The following ORC3 variants were observed in gnomAD, a reference collection of about 807,000 sequenced individuals.
ORC3 encodes origin recognition complex subunit 3, also known as homolog of latheo, Drosophila.
A neutral mutation model predicts 100.7 loss-of-function variants in ORC3; 78 were observed. That is an observed-to-expected ratio of 0.77 (90% confidence interval 0.65 to 0.94). The LOEUF (loss-of-function observed/expected upper bound fraction) is 0.94, where lower values mean the gene tolerates loss of function less well. Ranked by LOEUF, ORC3 falls within the 40% of genes least tolerant of loss-of-function variation. The pLI, the probability that ORC3 is intolerant of heterozygous loss-of-function variation, is 0.00. For synonymous variants in ORC3, 295 were observed against 289.3 expected (o/e 1.02, Z -0.20); for missense variants, 789 against 823.9 (o/e 0.96, Z 0.52).
At chr6:87,592,023 G>A (rs1301169184) in intron 1 of ORC3, among the ~76,000 whole-genome samples, 2 of 151,826 alleles carry the variant, frequency 1.3e-5, no homozygotes, top group African/African-American at 4.8e-5. Flanking sequence ...GAGCCACCAC[G>A]CCCGGTCCTT....
intron 1 of ORC3, among the ~76,000 whole-genome samples, chr6:87,592,736 C>A (rs919948947): frequency 1.1e-4 from 17 of 152,204 alleles, no homozygotes; most frequent in Admixed American, 7.9e-4. Context: ...CCTGAGACAA[C>A]TTTTCCTAGG....
rs1378790375 is a variant in ORC3, at chr6:87,645,993, T to C, written c.1383-7123T>C. On this transcript the variant is annotated intron_variant, in intron 13 of 19. Transcript: ENST00000392844. Reference sequence around the variant, plus strand: ...TTTTTTCTTTTTTTTTCTTTTTTTTTTCTTTTTTTTTGAGGCGGAGTCTTG... The same window carrying C: ...TTTTTTCTTTTTTTTTCTTTTTTTTCTCTTTTTTTTTGAGGCGGAGTCTTG... 3.4e-5 allele frequency among the ~76,000 whole-genome samples: 5 copies of C among 145,956 alleles called. 1 individual carries two copies. The highest frequency in any genetic ancestry group is 4.3e-4 in the South Asian group (2 of 4,626).
At chr6:87,663,276 T>A (rs1770346462) in intron 17 of ORC3, 132 bp downstream of exon 17, 1 of 611,124 alleles carries the variant, frequency 1.6e-6, no homozygotes. Context: ...GTCTCATATA[T>A]TTTTAAAAAT....
intron 13 of ORC3, among the ~76,000 whole-genome samples, chr6:87,641,493 T>C (rs1768250056): frequency 1.3e-5 from 2 of 152,286 alleles, no homozygotes; most frequent in East Asian, 3.9e-4. Flanking sequence ...TGGACTCAGA[T>C]ACCCTCCTCC....
In ORC3 at chr6:87,665,331, T is replaced by C. The variant is rs114242007; in HGVS notation, c.1951-423T>C. Among the ~76,000 whole-genome samples the C allele has an allele frequency of 2.5e-3, 378 of 152,320 alleles. 1 individual carries two copies. Among genetic ancestry groups the C allele is most frequent in the African/African-American group, 8.4e-3 (349 of 41,584 alleles). On this transcript the variant is annotated intron_variant, in intron 18 of 19. Transcript: ENST00000392844. ...AAACAACTGTTGTTATTCTTTAAAATAAACAACTATTCTTTCTGTCTTCAG... is the reference window on the plus strand; with the variant it reads ...AAACAACTGTTGTTATTCTTTAAAACAAACAACTATTCTTTCTGTCTTCAG...
chr6:87,665,834 G>C lies in ORC3; in HGVS notation c.2030+1G>C. ...CAGAAGAAATGAATGAAATTATCCA[G>C]TATCCTTTTAAAACCATTTCTACAA... On this transcript the variant is annotated splice_donor_variant, in intron 19 of 19. Transcript: ENST00000392844. LOFTEE classifies it high-confidence loss of function. The C allele has an allele frequency of 6.3e-7, 1 of 1,586,134 alleles. No homozygotes were observed. Among genetic ancestry groups the C allele is most frequent in the Non-Finnish European group, 8.7e-7 (1 of 1,155,540 alleles).
At chr6:87,609,267 C>CT in intron 7 of ORC3, 38 bp downstream of exon 7, 1 of 1,455,078 alleles carries the variant, frequency 6.9e-7, no homozygotes, top group Non-Finnish European at 9.2e-7. Context: ...GAAAAACTCC[C>CT]TTTTTAAGAA....
intron 13 of ORC3, among the ~76,000 whole-genome samples, chr6:87,647,318 C>T (rs1768877808): frequency 6.6e-6 from 1 of 152,122 alleles, no homozygotes; most frequent in African/African-American, 2.4e-5. Context: ...ATCTTGGCCT[C>T]CTTGTTTTCT....
chr6:87,619,839 A>T (rs1041531393), intron 9 of ORC3, among the ~76,000 whole-genome samples: 1 of 152,088 alleles, frequency 6.6e-6, no homozygotes, highest in African/African-American at 2.4e-5. Flanking sequence ...CAGTTTTCCT[A>T]GTCCTCAGTG....
the ORC3 span, among the ~76,000 whole-genome samples, chr6:87,674,155 A>T: frequency 2.6e-5 from 4 of 151,926 alleles, no homozygotes; most frequent in Non-Finnish European, 4.4e-5. Context: ...ACAAAAAATT[A>T]GCCGGGTGTG....
intron 4 of ORC3, among the ~76,000 whole-genome samples, chr6:87,603,920 T>C (rs1350053087): frequency 6.6e-6 from 1 of 152,232 alleles, no homozygotes; most frequent in African/African-American, 2.4e-5. Flanking sequence ...ATGGAATTAC[T>C]CTATGACCTT....
intron 7 of ORC3, 147 bp downstream of exon 7, chr6:87,609,376 TC>T: frequency 1.8e-6 from 1 of 565,040 alleles, no homozygotes; most frequent in Non-Finnish European, 2.9e-6. Context: ...TTCAAAGACT[TC>T]CTATCAGATT....
At chr6:87,601,695 T>C in intron 2 of ORC3, 89 bp from the exon 3 acceptor site, 1 of 749,408 alleles carries the variant, frequency 1.3e-6, no homozygotes. Flanking sequence ...ATTTCACTTC[T>C]GTCACTTACT....
At chr6:87,611,729 C>T (rs971237073) in intron 7 of ORC3, among the ~76,000 whole-genome samples, 9 of 151,734 alleles carry the variant, frequency 5.9e-5, no homozygotes, top group South Asian at 2.1e-4. Flanking sequence ...TTGCAGTGAG[C>T]CGAGATTGCA....
the ORC3 span, among the ~76,000 whole-genome samples, chr6:87,674,500 ATC>A: frequency 6.6e-6 from 1 of 151,562 alleles, no homozygotes; most frequent in Non-Finnish European, 1.5e-5. Flanking sequence ...AATTTGCTGA[ATC>A]ATGCTTTTGC....
At chr6:87,624,691 A>G (rs567891833) in intron 11 of ORC3, among the ~76,000 whole-genome samples, 2 of 151,958 alleles carry the variant, frequency 1.3e-5, no homozygotes, top group African/African-American at 4.8e-5. Context: ...TTTAAGCCTC[A>G]ATTTTCTTTT....
chr6:87,624,231 C>A (rs1196087261), intron 11 of ORC3, among the ~76,000 whole-genome samples: 1 of 152,114 alleles, frequency 6.6e-6, no homozygotes, highest in Non-Finnish European at 1.5e-5. Flanking sequence ...CTCCTGTAAT[C>A]CCAGCATTTT....
intron 1 of ORC3, among the ~76,000 whole-genome samples, chr6:87,593,032 G>T (rs940364736): frequency 1.3e-5 from 2 of 151,992 alleles, no homozygotes; most frequent in South Asian, 4.1e-4. Flanking sequence ...GGCAAAGGTT[G>T]CAGTGAGCCA....
rs751643866 is a variant in ORC3, at chr6:87,590,175, A to G, written c.7A>G (p.Thr3Ala). MA[T>A]SSMSKGCFVF... ...ACGCAGAGTCAGTAAGACCATGGCT[A>G]CGTCCTCGATGTCTAAGGTATGTGG... Residue 3 changes from threonine (T) to alanine (A), a missense_variant, in exon 1 of 20, where the codon ACG becomes GCG. Coordinates refer to ENST00000392844, the MANE Select transcript of ORC3 (RefSeq NM_012381.4). 2.5e-6 allele frequency: 4 copies of G among 1,614,038 alleles called. No individual in the cohort carries two copies. The highest frequency in any genetic ancestry group is 2.2e-5 in the East Asian group (1 of 44,894).
Sources: allele counts gnomAD v4.1 joint callset (sites outside exome capture counted in the v4.1 genomes callset), GRCh38; gene constraint gnomAD v4.1.1; transcripts MANE v1.5; gene names NCBI Gene and HGNC (gene_info 2026-07-23, HGNC 2026-07-21).